The following TG variants were observed in gnomAD, a reference collection of about 807,000 sequenced individuals.
The protein encoded by TG is thyroid hormones.
TG carries 270 observed loss-of-function variants against 324.7 expected under a neutral mutation model. The observed-to-expected ratio is 0.83, with a 90% CI of 0.75 to 0.92. The LOEUF is 0.92. Among genes scored for constraint, TG ranks in the 40% least tolerant of loss-of-function variants. The pLI is 0.00. For synonymous variants in TG, 1,401 were observed against 1,327.0 expected (o/e 1.06, Z -1.21); for missense variants, 3,591 against 3,456.4 (o/e 1.04, Z -0.98).
At chr8:132,872,274 C>T (rs55769834) in intron 4 of TG, among the ~76,000 whole-genome samples, 25,416 of 151,282 alleles carry the variant, frequency 0.17, 2,312 homozygotes, top group Admixed American at 0.23. Context: ...GTCAGGAGAT[C>T]GAGACCATCC....
At chr8:133,049,328 G>T (rs2131204794) in intron 41 of TG, 3 of 359,148 alleles carry the variant, frequency 8.4e-6, no homozygotes, top group South Asian at 6.2e-5. Context: ...ATAGGTATTT[G>T]ATTAGAATAG....
intron 35 of TG, among the ~76,000 whole-genome samples, chr8:132,986,000 A>C (rs962003815): frequency 6.6e-6 from 1 of 152,174 alleles, no homozygotes; most frequent in Non-Finnish European, 1.5e-5. Context: ...AAACAATACT[A>C]TAGTATTTTT....
chr8:132,895,286 A>G (rs1375851674), intron 11 of TG, among the ~76,000 whole-genome samples: 4 of 152,196 alleles, frequency 2.6e-5, no homozygotes, highest in Non-Finnish European at 5.9e-5. Flanking sequence ...CCCTGACAAC[A>G]TCTGCTCCAA....
At chr8:132,954,957 C>T (rs1226019854) in intron 27 of TG, among the ~76,000 whole-genome samples, 4 of 152,148 alleles carry the variant, frequency 2.6e-5, no homozygotes, top group African/African-American at 9.7e-5. Context: ...AGCAGAGGGG[C>T]AAGGGAAACA....
Position 132,906,862 on chromosome 8 carries a change from G to A in TG, c.3809G>A (p.Arg1270His), listed in dbSNP as rs770306755. The change falls in exon 17 of 48, where the codon CGC becomes CAC. Residue 1270 changes from arginine (R) to histidine (H), a missense_variant. Physicochemically the swap from Arg to His is conservative, Grantham distance 29. Coordinates refer to ENST00000220616, the MANE Select transcript of TG (RefSeq NM_003235.5). Reference sequence around the variant, plus strand: ...TTGATATGTAGCCTGGAGAGCGGACGCTGGGAGTCACAGCTGCCTCAGCCC... The same window carrying A: ...TTGATATGTAGCCTGGAGAGCGGACACTGGGAGTCACAGCTGCCTCAGCCC... Reference protein sequence around the residue: ...GPLICSLESGRWESQLPQPRA... With the variant: ...GPLICSLESGHWESQLPQPRA... 22 of 1,613,574 alleles carry A rather than the reference G, an allele frequency of 1.4e-5. No individual in the cohort carries two copies. In the East Asian group the frequency reaches 1.8e-4, roughly 13 times the overall value.
rs536766009 is a variant in TG at position 133,039,127 on chromosome 8, C to T, written c.7239+9104C>T. On this transcript the variant is annotated intron_variant, in intron 41 of 47. Coordinates refer to ENST00000220616, the MANE Select transcript of TG (RefSeq NM_003235.5). ...CTCCTGACCTTAGGTGATCTGCCCA[C>T]CTCAGCCTCCCAAAGTGCTGGGGTT... is the stretch of plus-strand genomic sequence containing the variant. 3.9e-5 allele frequency among the ~76,000 whole-genome samples: 6 copies of T among 152,318 alleles called. No individual in the cohort carries two copies. In the South Asian group the frequency reaches 1.0e-3, roughly 26 times the overall value.
intron 27 of TG, 58 bp from the exon 28 acceptor site, chr8:132,960,950 G>A: frequency 6.5e-7 from 1 of 1,535,872 alleles, no homozygotes; most frequent in Non-Finnish European, 9.0e-7. Context: ...TTGCAGTAAT[G>A]GTGGGTACCC....
rs1171641952 is a variant in TG at position 132,929,165 on chromosome 8, G to A, written c.4789G>A (p.Glu1597Lys). ...VAVRSKVPDS[E>K]FPVMQCLTDC... ...TGTCAGATCCAAAGTTCCTGATTCT[G>A]AGTTCCCCGTGATGCAGTGCTTGAC... The change falls in exon 23 of 48, where the codon GAG becomes AAG. Residue 1597 changes from glutamate (E) to lysine (K), a missense_variant. Coordinates refer to ENST00000220616, the MANE Select transcript of TG (RefSeq NM_003235.5). The A allele has an allele frequency of 6.2e-7, 1 of 1,614,166 alleles. No individual in the cohort carries two copies. The highest frequency in any genetic ancestry group is 2.2e-5 in the East Asian group (1 of 44,886).
Position 133,011,239 on chromosome 8 carries a change from G to A in TG, c.6263-662G>A, listed in dbSNP as rs181457282. ...TGTTCCATCTTGAGGCTGGGGGTAC[G>A]AACCTTTATCTACCCCCATGGACAG... On this transcript the variant is annotated intron_variant, in intron 35 of 47. Transcript: ENST00000220616. Among the ~76,000 whole-genome samples the A allele has an allele frequency of 7.2e-5, 11 of 152,264 alleles. No homozygotes were observed. In the South Asian group the frequency reaches 1.7e-3, roughly 23 times the overall value.
At chr8:132,969,047 T>C (rs1030057585) in intron 31 of TG, among the ~76,000 whole-genome samples, 2 of 152,138 alleles carry the variant, frequency 1.3e-5, no homozygotes, top group African/African-American at 4.8e-5. Flanking sequence ...AGAGGCCAAA[T>C]AGCTTCTTAA....
intron 41 of TG, among the ~76,000 whole-genome samples, chr8:133,044,192 C>T (rs1315372723): frequency 6.6e-6 from 1 of 152,174 alleles, no homozygotes; most frequent in African/African-American, 2.4e-5. Context: ...TTTAGCCAAC[C>T]GTTCACAATT....
chr8:133,096,069 G>A, intron 42 of TG, 137 bp from the exon 43 acceptor site: 2 of 1,051,118 alleles, frequency 1.9e-6, no homozygotes, highest in Non-Finnish European at 2.9e-6. Context: ...CTGCCTGCCA[G>A]TTGTCCTGGT....
Position 132,966,603 on chromosome 8 carries a change from C to T in TG, c.5592C>T (p.Val1864=), listed in dbSNP as rs765083226. ...TCTCCCCTGTGGACCTCAACCAGGT[C>T]ATTGTCAATGGAAATCAATCACTAT... is the stretch of plus-strand genomic sequence containing the variant. The part of the protein sequence containing the change: ...ELFSPVDLNQ[V]IVNGNQSLSS... Residue 1864 remains valine (V), a synonymous_variant, in exon 30 of 48, where the codon GTC becomes GTT. Coordinates refer to ENST00000220616, the MANE Select transcript of TG (RefSeq NM_003235.5). The T allele has an allele frequency of 5.0e-6, 8 of 1,614,124 alleles. No individual in the cohort carries two copies. In the Admixed American group the frequency reaches 1.3e-4, roughly 27 times the overall value.
intron 41 of TG, chr8:133,037,580 TA>T (rs1288881831): frequency 1.3e-5 from 2 of 152,118 alleles, no homozygotes; most frequent in African/African-American, 4.8e-5. Context: ...CATTTGTTTA[TA>T]CATTTTTTCC....
chr8:132,962,858 G>C (rs991287015), intron 28 of TG, 136 bp from the exon 29 acceptor site: 71 of 787,272 alleles, frequency 9.0e-5, no homozygotes, highest in Non-Finnish European at 1.4e-4. Flanking sequence ...CCATGTCAGG[G>C]CATCTGTTGC....
At chr8:132,954,156 C>T (rs182177337) in intron 27 of TG, among the ~76,000 whole-genome samples, 4 of 152,168 alleles carry the variant, frequency 2.6e-5, no homozygotes, top group Admixed American at 2.0e-4. Context: ...GCCAGGACCT[C>T]AGTGGAGAAA....
In TG at chr8:133,131,904, C is replaced by A; in HGVS notation, c.7955C>A (p.Ser2652Ter). 1.2e-6 allele frequency: 2 copies of A among 1,614,128 alleles called. No individual in the cohort carries two copies. The highest frequency in any genetic ancestry group is 1.7e-6 in the Non-Finnish European group (2 of 1,180,022). Reference sequence around the variant, plus strand: ...TTTTCTCTGGAGGAGAAGAGCCTGTCGCTGAAAATCATGCAGTACTTTTCC... The same window carrying A: ...TTTTCTCTGGAGGAGAAGAGCCTGTAGCTGAAAATCATGCAGTACTTTTCC... ...GQFSLEEKSL[S>*]LKIMQYFSHF... Residue 2652 changes from serine to a stop codon, truncating the protein, a stop_gained, in exon 46 of 48, where the codon TCG becomes TAG. Transcript: ENST00000220616. LOFTEE classifies it high-confidence loss of function.
chr8:132,979,065 G>A (rs1213108455), intron 34 of TG, among the ~76,000 whole-genome samples: 2 of 152,308 alleles, frequency 1.3e-5, no homozygotes, highest in South Asian at 2.1e-4. Context: ...ACTGTTTGCA[G>A]CCCCTTCCTG....
chr8:133,020,662 T>C (rs1012697639), intron 39 of TG, among the ~76,000 whole-genome samples: 2 of 152,142 alleles, frequency 1.3e-5, no homozygotes, highest in African/African-American at 4.8e-5. Flanking sequence ...TGAGCTGGAA[T>C]GTCAGAGAGG....
Sources: gnomAD v4.1 joint callset for allele counts (sites outside exome capture counted in the v4.1 genomes callset) on GRCh38, gnomAD v4.1.1 for gene constraint, MANE v1.5 for transcripts, NCBI Gene and HGNC (gene_info 2026-07-23, HGNC 2026-07-21) for gene names.